ACACB: variants seen among roughly 807,000 people sequenced by gnomAD.
The protein encoded by ACACB is acetyl-CoA carboxylase 2.
ACACB carries 209 observed loss-of-function variants against 278.8 expected under a neutral mutation model. The ratio of observed to expected loss-of-function variants is 0.75; its 90% CI spans 0.67 to 0.84. ACACB has a LOEUF of 0.84. Among genes scored for constraint, ACACB ranks in the 40% least tolerant of loss-of-function variants. The pLI is 0.00. For missense variants in ACACB, 2,850 were observed against 3,269.0 expected, an observed-to-expected ratio of 0.87 and a Z score of 3.13; for synonymous variants, 1,174 against 1,285.6, an observed-to-expected ratio of 0.91 and a Z score of 1.86.
At position 109,167,881 on chromosome 12, in the gene ACACB, T is replaced by C. The variant is rs766077286; in HGVS notation, c.787-15T>C. 6.2e-7 allele frequency: 1 copy of C among 1,613,704 alleles called. No homozygotes were observed. The highest frequency in any genetic ancestry group is 1.1e-5 in the South Asian group (1 of 91,054). On this transcript the variant is annotated splice_polypyrimidine_tract_variant and intron_variant, in intron 3 of 52. Coordinates refer to ENST00000338432, the MANE Select transcript of ACACB (RefSeq NM_001093.4). ...AGATGTGCATCTACAGCTCCTTCCT[T>C]GTCTTCCCATGCAGGTGCTTATTGC...
chr12:109,158,648 T>C (rs1421104758), intron 2 of ACACB, among the ~76,000 whole-genome samples: 2 of 151,998 alleles, frequency 1.3e-5, no homozygotes, highest in African/African-American at 2.4e-5. Flanking sequence ...TGCACTGTAG[T>C]CCTGGCAACA....
At chr12:109,203,331 A>G (rs993650189) in intron 19 of ACACB, among the ~76,000 whole-genome samples, 1 of 152,060 alleles carries the variant, frequency 6.6e-6, no homozygotes, top group African/African-American at 2.4e-5. Context: ...TGAGTGTACG[A>G]TTTTCTTAGT....
At chr12:109,218,858 T>C (rs1247708589) in intron 24 of ACACB, among the ~76,000 whole-genome samples, 2 of 150,774 alleles carry the variant, frequency 1.3e-5, no homozygotes, top group Admixed American at 1.3e-4. Context: ...AACCTCCACC[T>C]CCAGGGTTCA....
Position 109,174,222 on chromosome 12 carries a change from G to A in ACACB, c.1208G>A (p.Ser403Asn), listed in dbSNP as rs772184272. The A allele has an allele frequency of 6.2e-7, 1 of 1,611,394 alleles. No individual in the cohort carries two copies. Among genetic ancestry groups the A allele is most frequent in the Non-Finnish European group, 8.5e-7 (1 of 1,179,082 alleles). Reference sequence around the variant, plus strand: ...CTACAGGTCCCAACCCTGCCCTGGAGTGGAAGCGGTAAGGGACCCCGAGCT... The same window carrying A: ...CTACAGGTCCCAACCCTGCCCTGGAATGGAAGCGGTAAGGGACCCCGAGCT... ...QTLQVPTLPWSGSGLTVEWTE... is the reference protein window; with the variant it reads ...QTLQVPTLPWNGSGLTVEWTE... Residue 403 changes from serine (S) to asparagine (N), a missense_variant, in exon 7 of 53, where the codon AGT becomes AAT. By Grantham distance (46) the Ser-to-Asn change is conservative (BLOSUM62 1). Coordinates refer to ENST00000338432, the MANE Select transcript of ACACB (RefSeq NM_001093.4).
Position 109,254,276 on chromosome 12 carries a change from C to T in ACACB, c.6108C>T (p.Phe2036=). ...PTDPIDREIE[F]LPSRAPYDPR... ...ACCCCATTGACAGAGAAATTGAATT[C>T]CTCCCATCCAGAGCTCCCTACGACC... Residue 2036 remains phenylalanine (F), a synonymous_variant, in exon 44 of 53, where the codon TTC becomes TTT. Coordinates refer to ENST00000338432, the MANE Select transcript of ACACB (RefSeq NM_001093.4). 1 of 1,612,852 alleles carries T rather than the reference C, an allele frequency of 6.2e-7. No individual in the cohort carries two copies. Among genetic ancestry groups the T allele is most frequent in the Non-Finnish European group, 8.5e-7 (1 of 1,179,846 alleles).
Position 109,187,884 on chromosome 12 carries a change from A to G in ACACB, c.1981-115A>G, listed in dbSNP as rs1593501510. ...AAGCGATATCAGTGTTCTATTGACT[A>G]CCCTAAGCTTTTGGTCAGCGTAGGG... is the stretch of plus-strand genomic sequence containing the variant. On this transcript the variant is annotated intron_variant, in intron 12 of 52. Coordinates refer to ENST00000338432, the MANE Select transcript of ACACB (RefSeq NM_001093.4). 13 of 1,164,272 alleles carry G rather than the reference A, an allele frequency of 1.1e-5. No homozygotes were observed. The East Asian group carries it at 3.1e-4, about 27-fold the overall frequency. 72.1% of individuals were successfully genotyped at this position (1,164,272 alleles called of 1,614,324 possible).
At chr12:109,219,396 G>C (rs191650171) in intron 24 of ACACB, among the ~76,000 whole-genome samples, 3 of 152,110 alleles carry the variant, frequency 2.0e-5, no homozygotes, top group East Asian at 1.9e-4. Flanking sequence ...AATCACCTAG[G>C]GGGTGGGGAG....
chr12:109,172,958 A>T (rs534813396), intron 6 of ACACB, among the ~76,000 whole-genome samples: 1 of 152,234 alleles, frequency 6.6e-6, no homozygotes, highest in Non-Finnish European at 1.5e-5. Context: ...AAAATGTGGT[A>T]CATATACACC....
rs535186043 is a variant in ACACB at position 109,235,719 on chromosome 12, CG to C, written c.4446+75del. On this transcript the variant is annotated intron_variant, in intron 33 of 52. Transcript: ENST00000338432. ...TATTTTTTAAGAGATGGGATGGGGC[CG>C]GGTGTGGTGGCTCAAGCCCGTAATC... 9.0e-5 allele frequency: 126 copies of C among 1,405,104 alleles called. No homozygotes were observed. The African/African-American group carries it at 1.7e-3, about 19-fold the overall frequency. The allele number at this position is 1,405,104 out of a possible 1,614,324, so 87.0% of individuals were successfully genotyped here. A position where few individuals can be genotyped will look rare whatever the true frequency, so the allele number is the denominator to read the frequency against.
In ACACB at chr12:109,151,371, C is replaced by CT. The variant is rs1163793190; in HGVS notation, c.653+11314dup. The stretch of plus-strand genomic sequence containing the variant: ...TAAGTTAATACAAGGTACAGAGCAA[C>CT]TAACCATTCATACATTCCCCTCCCC... On this transcript the variant is annotated intron_variant, in intron 2 of 52. Coordinates refer to ENST00000338432, the MANE Select transcript of ACACB (RefSeq NM_001093.4). Among the ~76,000 whole-genome samples the CT allele has an allele frequency of 2.0e-5, 3 of 152,144 alleles. No homozygotes were observed. In the East Asian group the frequency reaches 5.8e-4, roughly 29 times the overall value.
intron 28 of ACACB, among the ~76,000 whole-genome samples, chr12:109,227,889 C>T (rs545400297): frequency 3.3e-5 from 5 of 151,108 alleles, no homozygotes; most frequent in East Asian, 2.0e-4. Flanking sequence ...AAAAATTAGC[C>T]GGGCGTGGTG....
intron 13 of ACACB, 46 bp downstream of exon 13, chr12:109,188,208 TC>T (rs764693787): frequency 3.7e-6 from 5 of 1,357,624 alleles, no homozygotes; most frequent in Non-Finnish European, 4.1e-6. Context: ...CTTCCTTCCT[TC>T]CTTCCTTCCT....
At chr12:109,190,597 A>T (rs2044837279) in intron 13 of ACACB, among the ~76,000 whole-genome samples, 1 of 150,112 alleles carries the variant, frequency 6.7e-6, no homozygotes, top group South Asian at 2.1e-4. Context: ...GTCAAGGGAG[A>T]GACAGAGGCG....
At chr12:109,143,496 G>C (rs2043170557) in intron 2 of ACACB, among the ~76,000 whole-genome samples, 1 of 150,484 alleles carries the variant, frequency 6.6e-6, no homozygotes. Flanking sequence ...GAATGAGGAG[G>C]CTGCACCAGA....
chr12:109,158,000 C>T (rs535291758), intron 2 of ACACB, among the ~76,000 whole-genome samples: 1 of 152,298 alleles, frequency 6.6e-6, no homozygotes, highest in East Asian at 1.9e-4. Context: ...CTCTTGGCTA[C>T]ACATTAGAAT....
chr12:109,200,840 C>T (rs542663225), intron 18 of ACACB, among the ~76,000 whole-genome samples: 1 of 152,238 alleles, frequency 6.6e-6, no homozygotes, highest in Non-Finnish European at 1.5e-5. Context: ...ATCTGCATCT[C>T]ATTCAATCCT....
chr12:109,209,422 G>C (rs965563880), intron 21 of ACACB, 69 bp downstream of exon 21: 74 of 1,481,618 alleles, frequency 5.0e-5, no homozygotes, highest in Middle Eastern at 2.4e-4. Context: ...GGTCTGGCTC[G>C]ATATCTGGCC....
rs1321420924 is a variant in ACACB at position 109,210,176 on chromosome 12, T to C, written c.3249+823T>C. Among the ~76,000 whole-genome samples, 3 of 62,302 alleles carry C rather than the reference T, an allele frequency of 4.8e-5. 1 individual carries two copies. The highest frequency in any genetic ancestry group is 9.6e-5 in the Non-Finnish European group (3 of 31,368). 40.9% of individuals were successfully genotyped at this position (62,302 alleles called of 152,430 possible). On this transcript the variant is annotated intron_variant, in intron 21 of 52. Transcript: ENST00000338432. ...ACACACGTGTGTATATGTATATATG[T>C]ATATATACACACGTGTGTATATGTA...
rs2047113101 is a variant in ACACB, at chr12:109,252,163, A to G, written c.5901+7A>G. 1 of 1,598,876 alleles carries G rather than the reference A, an allele frequency of 6.3e-7. No homozygotes were observed. The highest frequency in any genetic ancestry group is 2.3e-5 in the East Asian group (1 of 44,320). On this transcript the variant is annotated splice_region_variant and intron_variant, in intron 42 of 52. Transcript: ENST00000338432. ...AGCAAGTGCTCTCAACAAGGTGACC[A>G]AAAAGGGGCCTGTGCAGAGTGGATC...
Sources: gnomAD v4.1 joint callset for allele counts (sites outside exome capture counted in the v4.1 genomes callset) on GRCh38, gnomAD v4.1.1 for gene constraint, MANE v1.5 for transcripts, NCBI Gene and HGNC (gene_info 2026-07-23, HGNC 2026-07-21) for gene names.